The following CHD7 variants were observed in gnomAD, a reference collection of about 807,000 sequenced individuals.
The protein encoded by CHD7 is chromodomain helicase DNA binding protein 7, also known as ATP-dependent chromatin remodeler CHD7.
A neutral mutation model predicts 307.3 loss-of-function variants in CHD7; 24 were observed. That is an observed-to-expected ratio of 0.08 (90% CI 0.06 to 0.11). The LOEUF is 0.11. CHD7 is among the 10% of genes least tolerant of loss of function. CHD7 has a pLI of 1.00. For synonymous variants in CHD7, 1,363 were observed against 1,349.9 expected (o/e 1.01, Z -0.21); for missense variants, 3,106 against 3,727.1 (o/e 0.83, Z 4.34).
rs1166441200 is a variant in CHD7 at position 60,852,504 on chromosome 8, A to G, written c.5901A>G (p.Thr1967=). 4 of 1,613,166 alleles carry G rather than the reference A, an allele frequency of 2.5e-6. No individual in the cohort carries two copies. The highest frequency in any genetic ancestry group is 2.7e-5 in the African/African-American group (2 of 74,914). Residue 1967 remains threonine (T), a synonymous_variant, in exon 30 of 38, where the codon ACA becomes ACG. Transcript: ENST00000423902. Reference sequence around the variant, plus strand: ...AATATAATCTTTCTAACAGGTGGACAAGAAGAGAAGAGGCTGATTTTTACC... The same window carrying G: ...AATATAATCTTTCTAACAGGTGGACGAGAAGAGAAGAGGCTGATTTTTACC... ...AIISEKRQKW[T]RREEADFYRV... is the part of the protein sequence containing the mutation.
chr8:60,794,406 G>A (rs1392883341), intron 3 of CHD7, among the ~76,000 whole-genome samples: 5 of 152,086 alleles, frequency 3.3e-5, no homozygotes, highest in Non-Finnish European at 7.4e-5. Context: ...AAAACACGTA[G>A]CACCAAAATA....
At chr8:60,692,188 AGTTAT>A (rs1411939982) in intron 1 of CHD7, among the ~76,000 whole-genome samples, 5 of 151,386 alleles carry the variant, frequency 3.3e-5, no homozygotes, top group African/African-American at 1.2e-4. Context: ...GAATATTGCA[AGTTAT>A]GTTATTCTCT....
In CHD7 at chr8:60,862,267, T is replaced by C; in HGVS notation, c.7902T>C (p.Asn2634=). ...KQKRHRCRNP[N]KLDINTLTGE... is the part of the protein sequence containing the mutation. The stretch of plus-strand genomic sequence containing the variant: ...AACGACATAGATGTCGAAACCCTAA[T>C]AAATTGGATATAAACACTTTGACAG... Residue 2634 remains asparagine, a synonymous_variant, in exon 36 of 38, where the codon AAT becomes AAC. Transcript: ENST00000423902. The C allele has an allele frequency of 1.2e-6, 2 of 1,611,714 alleles. No individual in the cohort carries two copies. Among genetic ancestry groups the C allele is most frequent in the Non-Finnish European group, 1.7e-6 (2 of 1,178,864 alleles).
rs76548561 is a variant in CHD7, at chr8:60,862,950, G to C, written c.8076+298G>C. 3.6e-3 allele frequency: 1,188 copies of C among 327,414 alleles called. 5 individuals are homozygous for C. The highest frequency in any genetic ancestry group is 4.3e-3 in the Non-Finnish European group (771 of 178,306). The allele number at this position is 327,414 out of a possible 1,614,324, so 20.3% of individuals were successfully genotyped here. A position where few individuals can be genotyped will look rare whatever the true frequency, so the allele number is the denominator to read the frequency against. On this transcript the variant is annotated intron_variant, in intron 37 of 37. Coordinates refer to ENST00000423902, the MANE Select transcript of CHD7 (RefSeq NM_017780.4). ...AAGCCTACTTAACAGCTCACCTGTG[G>C]AATAGGATGTATGGTGGTTGAGATC...
At chr8:60,793,487 GA>G (rs1811873649) in intron 3 of CHD7, among the ~76,000 whole-genome samples, 1 of 152,006 alleles carries the variant, frequency 6.6e-6, no homozygotes, top group Non-Finnish European at 1.5e-5. Context: ...TTATTTAGTT[GA>G]AAAAATACAT....
chr8:60,737,357 A>G (rs953156309), intron 1 of CHD7, among the ~76,000 whole-genome samples: 14 of 152,158 alleles, frequency 9.2e-5, no homozygotes, highest in African/African-American at 3.4e-4. Flanking sequence ...TTTTGTCCTC[A>G]CTAGTAAGCT....
At chr8:60,750,285 A>C (rs1405231110) in intron 2 of CHD7, among the ~76,000 whole-genome samples, 1 of 152,214 alleles carries the variant, frequency 6.6e-6, no homozygotes, top group African/African-American at 2.4e-5. Context: ...CCTTCATGAA[A>C]GGCAGTACCA....
chr8:60,770,421 A>G (rs1810652231), intron 2 of CHD7, among the ~76,000 whole-genome samples: 1 of 152,220 alleles, frequency 6.6e-6, no homozygotes, highest in Admixed American at 6.5e-5. Context: ...TAGTTAGTGA[A>G]TGAACCTCCC....
chr8:60,688,814 A>G (rs773766033), intron 1 of CHD7, among the ~76,000 whole-genome samples: 22 of 152,190 alleles, frequency 1.4e-4, no homozygotes, highest in Non-Finnish European at 8.8e-5. Flanking sequence ...GCTCTGGGAT[A>G]TTACGGTTTT....
chr8:60,846,243 G>C (rs147408922), intron 23 of CHD7, among the ~76,000 whole-genome samples: 2 of 152,166 alleles, frequency 1.3e-5, no homozygotes, highest in African/African-American at 4.8e-5. Context: ...AACTAACTGC[G>C]TACAGTGGAG....
chr8:60,859,928 C>A (rs761376424), intron 34 of CHD7, among the ~76,000 whole-genome samples: 5 of 152,068 alleles, frequency 3.3e-5, no homozygotes, highest in African/African-American at 1.2e-4. Context: ...AAAACTGACT[C>A]CAGCGTAGTG....
intron 2 of CHD7, among the ~76,000 whole-genome samples, chr8:60,760,406 G>T (rs927397228): frequency 6.8e-6 from 1 of 147,272 alleles, no homozygotes; most frequent in East Asian, 2.0e-4. Context: ...GAAAACCTAG[G>T]CATTACCATT....
In CHD7 at chr8:60,848,591, G is replaced by A. The variant is rs774818972; in HGVS notation, c.5287G>A (p.Gly1763Ser). ...AGACCAGGCGGATAAGATCTTAGAG[G>A]GTGCTGACTCAAGGTTAGTGCGAGC... ...IGDQADKILE[G>S]ADSSEADVWI... Residue 1763 changes from glycine to serine, a missense_variant, in exon 24 of 38, where the codon GGT (glycine) becomes AGT (serine). By Grantham distance (56) the Gly-to-Ser change is moderately conservative (BLOSUM62 0). Transcript: ENST00000423902. 26 of 1,613,212 alleles carry A rather than the reference G, an allele frequency of 1.6e-5. No homozygotes were observed. Among genetic ancestry groups the A allele is most frequent in the Non-Finnish European group, 2.2e-5 (26 of 1,179,476 alleles).
intron 13 of CHD7, among the ~76,000 whole-genome samples, chr8:60,825,830 G>C (rs1804232757): frequency 6.6e-6 from 1 of 151,874 alleles, no homozygotes; most frequent in Admixed American, 6.6e-5. Context: ...CAAACAATCT[G>C]ATTGTCATTG....
At chr8:60,712,486 T>A (rs1335946209) in intron 1 of CHD7, among the ~76,000 whole-genome samples, 3 of 152,230 alleles carry the variant, frequency 2.0e-5, no homozygotes, top group African/African-American at 7.2e-5. Context: ...CTGCATCGGA[T>A]GCCTCATCAG....
At chr8:60,779,138 G>A (rs1427533430) in intron 2 of CHD7, among the ~76,000 whole-genome samples, 1 of 152,142 alleles carries the variant, frequency 6.6e-6, no homozygotes, top group Non-Finnish European at 1.5e-5. Flanking sequence ...ACAGGATTTT[G>A]GAAGAAACTT....
chr8:60,735,650 CAT>C (rs1028728498), intron 1 of CHD7, among the ~76,000 whole-genome samples: 2 of 152,240 alleles, frequency 1.3e-5, no homozygotes, highest in Non-Finnish European at 1.5e-5. Context: ...GAAAAAATAA[CAT>C]ATATTTCATC....
At chr8:60,758,933 TG>T (rs1350828651) in intron 2 of CHD7, among the ~76,000 whole-genome samples, 1 of 152,240 alleles carries the variant, frequency 6.6e-6, no homozygotes, top group Non-Finnish European at 1.5e-5. Flanking sequence ...TGTGAGTTGG[TG>T]GCCATTGCAA....
At chr8:60,805,838 CA>C (rs1812511731) in intron 6 of CHD7, among the ~76,000 whole-genome samples, 1 of 152,006 alleles carries the variant, frequency 6.6e-6, no homozygotes, top group South Asian at 2.1e-4. Flanking sequence ...ATAAATGATA[CA>C]TTTGATACAT....
Sources: allele counts gnomAD v4.1 joint callset (sites outside exome capture counted in the v4.1 genomes callset), GRCh38; gene constraint gnomAD v4.1.1; transcripts MANE v1.5; gene names NCBI Gene and HGNC (gene_info 2026-07-23, HGNC 2026-07-21).